The following SOX5 variants were observed in gnomAD, a reference collection of about 807,000 sequenced individuals.
The protein encoded by SOX5 is transcription factor SOX-5.
In SOX5, 9 loss-of-function variants were observed where a neutral mutation model predicts 92.0. That is an observed-to-expected ratio of 0.10 (90% CI 0.06 to 0.17). The LOEUF (loss-of-function observed/expected upper bound fraction) is 0.17. Ranked by LOEUF, SOX5 falls within the 10% of genes least tolerant of loss-of-function variation. SOX5 has a pLI of 1.00. For synonymous variants in SOX5, 344 were observed against 336.3 expected (o/e 1.02, Z -0.25); for missense variants, 642 against 944.5 (o/e 0.68, Z 4.20).
intron 2 of SOX5, among the ~76,000 whole-genome samples, chr12:24,366,563 T>C (rs1315366047): frequency 6.6e-6 from 1 of 152,142 alleles, no homozygotes; most frequent in Admixed American, 6.6e-5. Context: ...TTACATTATT[T>C]TAATTCAGAA....
At chr12:23,569,579 C>G (rs541743156) in intron 10 of SOX5, among the ~76,000 whole-genome samples, 1 of 152,328 alleles carries the variant, frequency 6.6e-6, no homozygotes, top group South Asian at 2.1e-4. Context: ...CTCTGCTTAT[C>G]TTTCCTGTGT....
chr12:23,702,415 G>C (rs189291819), intron 6 of SOX5, among the ~76,000 whole-genome samples: 1 of 152,098 alleles, frequency 6.6e-6, no homozygotes, highest in Non-Finnish European at 1.5e-5. Flanking sequence ...GTATTTAACT[G>C]AGTGGTAGTA....
intron 4 of SOX5, among the ~76,000 whole-genome samples, chr12:23,746,567 A>G (rs2093991299): frequency 6.6e-6 from 1 of 152,196 alleles, no homozygotes; most frequent in Admixed American, 6.6e-5. Flanking sequence ...AGAATGAAAG[A>G]TAACTGAAGT....
Position 23,841,255 on chromosome 12 carries a change from G to C in SOX5, c.481+4728C>G, listed in dbSNP as rs116407877. On this transcript the variant is annotated intron_variant, in intron 3 of 14. Transcript: ENST00000451604. ...ATTAGAGGACTACAAATTAAAACAA[G>C]GAGATACTACTACACACCTATTTGA... Among the ~76,000 whole-genome samples the C allele has an allele frequency of 2.7e-3, 418 of 152,140 alleles. 1 individual carries two copies. Among genetic ancestry groups the C allele is most frequent in the African/African-American group, 9.9e-3 (410 of 41,530 alleles).
chr12:24,298,137 G>T (rs747158988), intron 2 of SOX5, among the ~76,000 whole-genome samples: 6 of 152,118 alleles, frequency 3.9e-5, no homozygotes, highest in Admixed American at 2.6e-4. Flanking sequence ...CAGTGGCATA[G>T]TCTTGGCTCA....
chr12:24,342,704 A>C (rs2141083397), intron 2 of SOX5, among the ~76,000 whole-genome samples: 1 of 152,174 alleles, frequency 6.6e-6, no homozygotes, highest in Non-Finnish European at 1.5e-5. Context: ...TTCCTAACTG[A>C]CCTCCCTGAC....
intron 1 of SOX5, among the ~76,000 whole-genome samples, chr12:24,548,605 A>C (rs912176093): frequency 6.6e-6 from 1 of 152,154 alleles, no homozygotes; most frequent in Non-Finnish European, 1.5e-5. Context: ...TGAAACATGG[A>C]AACACTGGGA....
intron 2 of SOX5, among the ~76,000 whole-genome samples, chr12:24,333,030 A>G (rs1595679927): frequency 6.6e-6 from 1 of 152,154 alleles, no homozygotes; most frequent in African/African-American, 2.4e-5. Context: ...AGATTTTTGG[A>G]AACAAAAACA....
intron 3 of SOX5, among the ~76,000 whole-genome samples, chr12:24,243,086 G>A (rs1937805474): frequency 6.6e-6 from 1 of 151,902 alleles, no homozygotes. Context: ...GATTATGAAG[G>A]TTTTTGCTTT....
chr12:23,780,229 G>T (rs926093764), intron 3 of SOX5, among the ~76,000 whole-genome samples: 1 of 151,852 alleles, frequency 6.6e-6, no homozygotes, highest in Non-Finnish European at 1.5e-5. Flanking sequence ...TCAGCAGAAA[G>T]AGTGCTATTT....
intron 2 of SOX5, among the ~76,000 whole-genome samples, chr12:24,313,152 T>G (rs1420469076): frequency 6.6e-6 from 1 of 152,100 alleles, no homozygotes; most frequent in Non-Finnish European, 1.5e-5. Context: ...CCTTCTGCCT[T>G]GAAGGGTCCC....
At chr12:24,098,411 G>A (rs374282987) in intron 4 of SOX5, among the ~76,000 whole-genome samples, 11 of 152,062 alleles carry the variant, frequency 7.2e-5, no homozygotes, top group Middle Eastern at 3.4e-3. Context: ...ACACACACAC[G>A]GTAGTTTTCA....
chr12:23,568,193 G>T (rs1947487346), intron 10 of SOX5, among the ~76,000 whole-genome samples: 1 of 152,290 alleles, frequency 6.6e-6, no homozygotes, highest in Admixed American at 6.5e-5. Context: ...AAAGCCAAGT[G>T]AATATGCAGG....
chr12:24,070,707 G>A (rs922597626), intron 4 of SOX5, among the ~76,000 whole-genome samples: 1 of 152,120 alleles, frequency 6.6e-6, no homozygotes, highest in African/African-American at 2.4e-5. Context: ...GTTTAGGGAA[G>A]AGAACAAACA....
chr12:23,665,287 G>C (rs1292283468), intron 7 of SOX5, among the ~76,000 whole-genome samples, 157 bp downstream of exon 7: 1 of 150,152 alleles, frequency 6.7e-6, no homozygotes, highest in Non-Finnish European at 1.5e-5. Flanking sequence ...AGTCCTTTAA[G>C]TACTAACACA....
intron 1 of SOX5, among the ~76,000 whole-genome samples, chr12:24,472,420 T>C (rs559223315): frequency 2.3e-4 from 35 of 152,332 alleles, no homozygotes; most frequent in African/African-American, 8.2e-4. Flanking sequence ...AACCTCTTAT[T>C]ACAGACAAAT....
rs2096194874 is a variant in SOX5 at position 23,824,704 on chromosome 12, G to A, written c.481+21279C>T. On this transcript the variant is annotated intron_variant, in intron 3 of 14. Transcript: ENST00000451604. ...GCGTCCACAGCCTCCCCTTCCCCCA[G>A]GAGCTCAGTCCCAGGGAGAGAGGAG... is the stretch of plus-strand genomic sequence containing the variant. Among the ~76,000 whole-genome samples the A allele has an allele frequency of 3.9e-5, 6 of 152,164 alleles. No homozygotes were observed. In the South Asian group the frequency reaches 1.0e-3, roughly 26 times the overall value.
chr12:24,023,300 A>G (rs1954522518), intron 4 of SOX5, among the ~76,000 whole-genome samples: 1 of 152,242 alleles, frequency 6.6e-6, no homozygotes, highest in Admixed American at 6.6e-5. Context: ...TCTTAAAGCC[A>G]CTTCATTTCC....
chr12:24,230,131 C>G (rs17496610), intron 3 of SOX5, among the ~76,000 whole-genome samples: 25,060 of 152,116 alleles, frequency 0.16, 2,325 homozygotes, highest in Non-Finnish European at 0.22. Context: ...CCATGTGCTT[C>G]TAGATGAGAG....
Sources: allele counts gnomAD v4.1 joint callset (sites outside exome capture counted in the v4.1 genomes callset), GRCh38; gene constraint gnomAD v4.1.1; transcripts MANE v1.5; gene names NCBI Gene and HGNC (gene_info 2026-07-23, HGNC 2026-07-21).